The following LY9 variants were observed in gnomAD, a reference collection of about 807,000 sequenced individuals.
LY9 encodes the protein T-lymphocyte surface antigen Ly-9.
LY9 carries 59 observed loss-of-function variants against 64.6 expected under a neutral mutation model. That is an observed-to-expected ratio of 0.91 (90% CI 0.74 to 1.13). LY9 has a LOEUF of 1.13. Ranked by LOEUF, LY9 falls within the 50% of genes most tolerant of loss-of-function variation. The probability of loss-of-function intolerance (pLI) is 0.00; values close to 1 mark genes in which losing one functional copy is unlikely to be tolerated. For missense variants in LY9, 789 were observed against 797.2 expected, an observed-to-expected ratio of 0.99 and a Z score of 0.12; for synonymous variants, 281 against 308.5, an observed-to-expected ratio of 0.91 and a Z score of 0.93.
intron 1 of LY9, among the ~76,000 whole-genome samples, chr1:160,798,626 ACAAGGTG>A (rs1666131248): frequency 6.6e-6 from 1 of 152,118 alleles, no homozygotes; most frequent in African/African-American, 2.4e-5. Flanking sequence ...CTGCCTCTCC[ACAAGGTG>A]CAAGTGCTTG....
Position 160,823,754 on chromosome 1 carries a change from G to A in LY9, c.1788G>A (p.Val596=). Residue 596 remains valine (V), a synonymous_variant, in exon 8 of 10, where the codon GTG becomes GTA. Transcript: ENST00000263285. ...CATATGTCACGGAAGTTGAGTCTGT[G>A]GTTGGAGAGAACACCATGTATGCAC... ...VTPYVTEVES[V]VGENTMYAQV... is the part of the protein sequence containing the mutation. The A allele has an allele frequency of 6.2e-7, 1 of 1,614,124 alleles. No homozygotes were observed. The highest frequency in any genetic ancestry group is 8.5e-7 in the Non-Finnish European group (1 of 1,179,994).
At chr1:160,798,963 A>G (rs929859588) in intron 1 of LY9, 1 of 152,226 alleles carries the variant, frequency 6.6e-6, no homozygotes, top group South Asian at 2.1e-4. Context: ...GGTCCCTACA[A>G]GAAAATTAAC....
intron 9 of LY9, among the ~76,000 whole-genome samples, 193 bp from the exon 10 acceptor site, chr1:160,827,555 C>A (rs1181486926): frequency 6.6e-6 from 1 of 152,206 alleles, no homozygotes; most frequent in African/African-American, 2.4e-5. Context: ...GTCCAGCCCA[C>A]AGCCTTTCCT....
At chr1:160,800,755 T>C (rs1666387993) in intron 2 of LY9, among the ~76,000 whole-genome samples, 1 of 152,216 alleles carries the variant, frequency 6.6e-6, no homozygotes, top group East Asian at 1.9e-4. Context: ...TGTATGTCCA[T>C]GTGTACCCAT....
In LY9 at chr1:160,821,965, A is replaced by G. The variant is rs188237481; in HGVS notation, c.1499-1500A>G. 4.7e-4 allele frequency among the ~76,000 whole-genome samples: 72 copies of G among 152,350 alleles called. 1 individual carries two copies. Among genetic ancestry groups the G allele is most frequent in the Admixed American group, 4.5e-3 (69 of 15,304 alleles). On this transcript the variant is annotated intron_variant, in intron 7 of 9. Coordinates refer to ENST00000263285, the MANE Select transcript of LY9 (RefSeq NM_002348.4). ...TCATCTACAAAAAATAAATACGGAT[A>G]GTTATTGTCTATGCTTCATGGGGTT...
intron 2 of LY9, 22 bp downstream of exon 2, chr1:160,800,104 T>G: frequency 4.5e-6 from 7 of 1,562,822 alleles, no homozygotes; most frequent in Non-Finnish European, 6.1e-6. Flanking sequence ...AGAGCTTCTG[T>G]GTTTTGATCT....
chr1:160,817,809 A>G (rs1223435151), intron 5 of LY9, among the ~76,000 whole-genome samples: 2 of 152,248 alleles, frequency 1.3e-5, no homozygotes, highest in South Asian at 2.1e-4. Context: ...CGGTCTACCC[A>G]GGATCTGACA....
In LY9 at chr1:160,823,722, G is replaced by C; in HGVS notation, c.1756G>C (p.Val586Leu). 1 of 1,614,178 alleles carries C rather than the reference G, an allele frequency of 6.2e-7. No homozygotes were observed. The highest frequency in any genetic ancestry group is 8.5e-7 in the Non-Finnish European group (1 of 1,180,014). ...APEGQADYDP[V>L]TPYVTEVESV... ...TGAGGGCCAAGCAGACTATGATCCCGTCACTCCATATGTCACGGAAGTTGA... is the reference window on the plus strand; with the variant it reads ...TGAGGGCCAAGCAGACTATGATCCCCTCACTCCATATGTCACGGAAGTTGA... The change falls in exon 8 of 10, where the codon GTC becomes CTC. Residue 586 changes from valine to leucine, a missense_variant. Val to Leu is a conservative substitution (Grantham distance 32). Coordinates refer to ENST00000263285, the MANE Select transcript of LY9 (RefSeq NM_002348.4).
At chr1:160,813,488 C>A in intron 2 of LY9, 148 bp from the exon 3 acceptor site, 1 of 704,894 alleles carries the variant, frequency 1.4e-6, no homozygotes, top group Non-Finnish European at 2.3e-6. Context: ...AGGCTGTCAA[C>A]CCAGCCTGCA....
chr1:160,802,127 C>T (rs757923805), intron 2 of LY9: 45 of 1,356,292 alleles, frequency 3.3e-5, no homozygotes, highest in Non-Finnish European at 4.2e-5. Context: ...TTGGAGACTC[C>T]TGGTCTGTGA....
At chr1:160,804,738 C>CT (rs1216188914) in intron 2 of LY9, among the ~76,000 whole-genome samples, 2 of 152,006 alleles carry the variant, frequency 1.3e-5, no homozygotes, top group Admixed American at 1.3e-4. Flanking sequence ...TGTTGGGAGA[C>CT]TTTTTTATTA....
At chr1:160,824,554 A>C (rs1668739477) in intron 9 of LY9, 2 of 985,036 alleles carry the variant, frequency 2.0e-6, no homozygotes, top group Non-Finnish European at 1.2e-6. Flanking sequence ...TTTTAAATCT[A>C]TCTCTAACCC....
rs377674002 is a variant in LY9, at chr1:160,816,683, G to A, written c.1162G>A (p.Gly388Arg). Residue 388 changes from glycine to arginine, a missense_variant, in exon 5 of 10, where the codon GGG becomes AGG. Gly to Arg is a moderately radical substitution (Grantham distance 125). Transcript: ENST00000263285. ...CAGCCTGACCTGCTCCGTGGAGGAC[G>A]GGGGAAACACTGTCATGTACACATG... Reference protein sequence around the residue: ...RISLTCSVEDGGNTVMYTWTP... With the variant: ...RISLTCSVEDRGNTVMYTWTP... 109 of 1,614,004 alleles carry A rather than the reference G, an allele frequency of 6.8e-5. No homozygotes were observed. The highest frequency in any genetic ancestry group is 8.6e-5 in the Non-Finnish European group (102 of 1,180,008).
chr1:160,813,515 G>T, intron 2 of LY9, 121 bp from the exon 3 acceptor site: 2 of 921,802 alleles, frequency 2.2e-6, no homozygotes, highest in South Asian at 1.7e-5. Context: ...ATGTCCCTGC[G>T]ACAGGTAACG....
intron 9 of LY9, among the ~76,000 whole-genome samples, chr1:160,827,218 C>T (rs1210932213): frequency 6.6e-6 from 1 of 152,174 alleles, no homozygotes; most frequent in Non-Finnish European, 1.5e-5. Context: ...TTTATGCTAT[C>T]CCCAAGCTGT....
At chr1:160,825,728 G>C (rs1378604511) in intron 9 of LY9, among the ~76,000 whole-genome samples, 2 of 152,088 alleles carry the variant, frequency 1.3e-5, no homozygotes, top group Non-Finnish European at 2.9e-5. Context: ...TGGCCAACAT[G>C]GTAAAACCCC....
intron 2 of LY9, chr1:160,811,776 C>A (rs1667494444): frequency 6.6e-6 from 1 of 152,198 alleles, no homozygotes; most frequent in Non-Finnish European, 1.5e-5. Context: ...TGCTCATGAT[C>A]ACATATGTAT....
intron 2 of LY9, chr1:160,802,004 G>A: frequency 1.3e-6 from 2 of 1,534,074 alleles, no homozygotes; most frequent in Non-Finnish European, 8.8e-7. Flanking sequence ...CTGCCGATGG[G>A]ACCCTGCCAG....
At chr1:160,800,363 T>C (rs932641796) in intron 2 of LY9, 2 of 331,284 alleles carry the variant, frequency 6.0e-6, no homozygotes, top group African/African-American at 2.2e-5. Flanking sequence ...CACTCACCCT[T>C]CTCAGTCTCT....
Sources: gnomAD v4.1 joint callset for allele counts (sites outside exome capture counted in the v4.1 genomes callset) on GRCh38, gnomAD v4.1.1 for gene constraint, MANE v1.5 for transcripts, NCBI Gene and HGNC (gene_info 2026-07-23, HGNC 2026-07-21) for gene names.